THSD7B: variants seen among roughly 807,000 people sequenced by gnomAD.
THSD7B encodes thrombospondin type 1 domain containing 7B.
THSD7B carries 138 observed loss-of-function variants against 213.6 expected under a neutral mutation model. That is an observed-to-expected ratio of 0.65 (90% confidence interval 0.56 to 0.74). THSD7B has a LOEUF of 0.74. Ranked by LOEUF, THSD7B falls within the 30% of genes least tolerant of loss-of-function variation. The pLI is 0.00. For synonymous variants in THSD7B, 742 were observed against 687.0 expected (o/e 1.08, Z -1.25); for missense variants, 1,931 against 1,991.5 (o/e 0.97, Z 0.58).
intron 14 of THSD7B, among the ~76,000 whole-genome samples, chr2:137,448,769 A>G (rs917049725): frequency 4.0e-5 from 6 of 151,896 alleles, no homozygotes; most frequent in African/African-American, 1.5e-4. Context: ...ACTGCACTCC[A>G]GCCTGGGCGA....
rs1349327184 is a variant in THSD7B, at chr2:136,769,706, C to T, written c.-36+4019C>T. Among the ~76,000 whole-genome samples, 4 of 152,092 alleles carry T rather than the reference C, an allele frequency of 2.6e-5. No homozygotes were observed. In the East Asian group the frequency reaches 7.7e-4, roughly 29 times the overall value. Reference sequence around the variant, plus strand: ...TTTTGCAATTTATGGATTCTAAAAACACAACTCTTTGCTGTGATGTGGAAA... The same window carrying T: ...TTTTGCAATTTATGGATTCTAAAAATACAACTCTTTGCTGTGATGTGGAAA... On this transcript the variant is annotated intron_variant, in intron 1 of 27. Transcript: ENST00000409968.
chr2:137,167,994 AG>A (rs1420147016), intron 6 of THSD7B, among the ~76,000 whole-genome samples: 1 of 152,234 alleles, frequency 6.6e-6, no homozygotes, highest in Non-Finnish European at 1.5e-5. Context: ...CCATTTAATC[AG>A]TAATAATGCA....
intron 10 of THSD7B, among the ~76,000 whole-genome samples, chr2:137,249,994 C>T (rs970242831): frequency 4.6e-5 from 7 of 152,192 alleles, no homozygotes; most frequent in Non-Finnish European, 1.0e-4. Flanking sequence ...GCAACACACT[C>T]CTCAAGGGAA....
chr2:137,034,267 C>G (rs185567061), intron 2 of THSD7B, among the ~76,000 whole-genome samples: 1 of 151,946 alleles, frequency 6.6e-6, no homozygotes, highest in Admixed American at 6.6e-5. Context: ...TTACACCTTA[C>G]GCTAATTTTT....
At chr2:136,831,221 G>A (rs1188713098) in intron 1 of THSD7B, among the ~76,000 whole-genome samples, 2 of 143,854 alleles carry the variant, frequency 1.4e-5, no homozygotes, top group Non-Finnish European at 3.0e-5. Context: ...TTTCCTAACA[G>A]TATTTTTACA....
chr2:137,387,581 A>G (rs796985934), intron 12 of THSD7B, among the ~76,000 whole-genome samples: 12 of 152,332 alleles, frequency 7.9e-5, no homozygotes, highest in African/African-American at 2.9e-4. Context: ...AGAAGTATAT[A>G]AATGTCTTCC....
At chr2:137,106,882 C>T (rs1258236252) in intron 4 of THSD7B, among the ~76,000 whole-genome samples, 1 of 152,124 alleles carries the variant, frequency 6.6e-6, no homozygotes, top group Non-Finnish European at 1.5e-5. Context: ...GATTAAAAGT[C>T]AGGAAACAAC....
chr2:137,264,822 T>A (rs997171108), intron 10 of THSD7B, among the ~76,000 whole-genome samples: 2 of 151,592 alleles, frequency 1.3e-5, no homozygotes, highest in Admixed American at 6.6e-5. Context: ...AAATTTTTTT[T>A]ATTTTTTATT....
intron 3 of THSD7B, among the ~76,000 whole-genome samples, chr2:137,059,102 G>A (rs190526031): frequency 2.0e-4 from 31 of 152,202 alleles, no homozygotes; most frequent in African/African-American, 5.1e-4. Context: ...GATTTAGTTC[G>A]TGATGAAGGT....
chr2:137,400,419 A>G (rs888910972), intron 12 of THSD7B, among the ~76,000 whole-genome samples: 2 of 152,068 alleles, frequency 1.3e-5, no homozygotes, highest in Non-Finnish European at 1.5e-5. Flanking sequence ...AGATATGGCT[A>G]TGATGGTTGG....
At chr2:137,360,531 G>A (rs933784118) in intron 12 of THSD7B, among the ~76,000 whole-genome samples, 1 of 152,180 alleles carries the variant, frequency 6.6e-6, no homozygotes, top group Non-Finnish European at 1.5e-5. Flanking sequence ...CTATTCCAAA[G>A]GGCTTAGCAA....
At chr2:137,479,194 A>G (rs1390326529) in intron 15 of THSD7B, among the ~76,000 whole-genome samples, 2 of 152,162 alleles carry the variant, frequency 1.3e-5, no homozygotes, top group African/African-American at 4.8e-5. Context: ...GGTGGCTGCA[A>G]TGGGCTAGCA....
At chr2:137,489,351 G>A (rs2105119642) in intron 15 of THSD7B, among the ~76,000 whole-genome samples, 1 of 151,668 alleles carries the variant, frequency 6.6e-6, no homozygotes, top group East Asian at 1.9e-4. Flanking sequence ...CTGAACCTGG[G>A]AGGCAGAGAT....
chr2:136,922,424 T>G (rs955249640), intron 2 of THSD7B, among the ~76,000 whole-genome samples: 1 of 152,158 alleles, frequency 6.6e-6, no homozygotes, highest in Admixed American at 6.5e-5. Flanking sequence ...GAAAAGGAGG[T>G]GTGTTTCATA....
chr2:137,137,440 A>G (rs1188540485), intron 5 of THSD7B, among the ~76,000 whole-genome samples: 1 of 152,214 alleles, frequency 6.6e-6, no homozygotes, highest in Non-Finnish European at 1.5e-5. Flanking sequence ...CACAAATGAG[A>G]TGGTCGTTCT....
At chr2:137,001,154 A>T (rs1006937904) in intron 2 of THSD7B, among the ~76,000 whole-genome samples, 1 of 152,000 alleles carries the variant, frequency 6.6e-6, no homozygotes, top group African/African-American at 2.4e-5. Context: ...CTATAGATTC[A>T]TTGGGATCAT....
chr2:137,642,432 A>G, intron 20 of THSD7B, 56 bp from the exon 21 acceptor site: 1 of 1,600,668 alleles, frequency 6.2e-7, no homozygotes, highest in Non-Finnish European at 8.5e-7. Context: ...TCTGTTCTTC[A>G]GGTCCCTTTC....
At chr2:137,392,117 T>C (rs1052017564) in intron 12 of THSD7B, among the ~76,000 whole-genome samples, 3 of 152,210 alleles carry the variant, frequency 2.0e-5, no homozygotes, top group African/African-American at 7.2e-5. Context: ...AGATACTTGA[T>C]ATGATTTCGA....
chr2:137,562,785 A>G (rs1417664339), intron 15 of THSD7B, among the ~76,000 whole-genome samples: 3 of 152,150 alleles, frequency 2.0e-5, no homozygotes, highest in African/African-American at 4.8e-5. Context: ...TTTCTTATGC[A>G]TTGTAAGAAC....
Sources: allele counts gnomAD v4.1 joint callset (sites outside exome capture counted in the v4.1 genomes callset), GRCh38; gene constraint gnomAD v4.1.1; transcripts MANE v1.5; gene names NCBI Gene and HGNC (gene_info 2026-07-23, HGNC 2026-07-21).